Variants in OSBP2 observed in about 807,000 individuals in gnomAD.
The protein encoded by OSBP2 is oxysterol binding protein 2.
Under a neutral mutation model 96.0 loss-of-function variants are expected in OSBP2, and 66 were observed. The ratio of observed to expected loss-of-function variants is 0.69; its 90% CI spans 0.56 to 0.84. The LOEUF (loss-of-function observed/expected upper bound fraction) is 0.84, where lower values mean the gene tolerates loss of function less well. Ranked by LOEUF, OSBP2 falls within the 40% of genes least tolerant of loss-of-function variation. The pLI, the probability that OSBP2 is intolerant of heterozygous loss-of-function variation, is 0.00. For synonymous variants in OSBP2, 525 were observed against 520.9 expected (o/e 1.01, Z -0.11); for missense variants, 1,038 against 1,222.7 (o/e 0.85, Z 2.25).
At chr22:30,714,207 G>A (rs2089406795) in intron 1 of OSBP2, among the ~76,000 whole-genome samples, 1 of 152,092 alleles carries the variant, frequency 6.6e-6, no homozygotes, top group South Asian at 2.1e-4. Context: ...AATGTTCTCT[G>A]GGCTCATGCA....
chr22:30,822,315 C>A (rs1363539958), intron 2 of OSBP2, among the ~76,000 whole-genome samples: 1 of 152,226 alleles, frequency 6.6e-6, no homozygotes, highest in East Asian at 1.9e-4. Flanking sequence ...AAGTGGGGAG[C>A]CTGCATGGGC....
Position 30,724,646 on chromosome 22 carries a change from TG to T in OSBP2, c.645-16513del, listed in dbSNP as rs2089611822. On this transcript the variant is annotated intron_variant, in intron 1 of 13. Coordinates refer to ENST00000332585, the MANE Select transcript of OSBP2 (RefSeq NM_030758.4). The stretch of plus-strand genomic sequence containing the variant: ...GGACATTTTGGTTGCATGCGTATTT[TG>T]GCAGTTATGAATAAAGCTGCTATAA... Among the ~76,000 whole-genome samples, 4 of 152,376 alleles carry T rather than the reference TG, an allele frequency of 2.6e-5. No homozygotes were observed. In the South Asian group the frequency reaches 8.3e-4, roughly 32 times the overall value.
chr22:30,746,719 TGACCTCAGATGATCC>T (rs2090005821), intron 2 of OSBP2, among the ~76,000 whole-genome samples: 1 of 152,096 alleles, frequency 6.6e-6, no homozygotes, highest in Non-Finnish European at 1.5e-5. Flanking sequence ...CTTGAACTCC[TGACCTCAGATGATCC>T]GCCTGCCTTG....
chr22:30,761,936 AC>A (rs2090208523), intron 2 of OSBP2, among the ~76,000 whole-genome samples: 1 of 152,180 alleles, frequency 6.6e-6, no homozygotes, highest in South Asian at 2.1e-4. Context: ...ATAAAATTTA[AC>A]TCAAAATGTA....
intron 2 of OSBP2, among the ~76,000 whole-genome samples, chr22:30,794,836 TTA>T (rs2090733572): frequency 6.6e-6 from 1 of 152,218 alleles, no homozygotes; most frequent in Admixed American, 6.5e-5. Flanking sequence ...TATTGTTATT[TTA>T]TGTTTTATTC....
chr22:30,742,508 C>G (rs772935960), intron 2 of OSBP2, among the ~76,000 whole-genome samples: 3 of 152,176 alleles, frequency 2.0e-5, no homozygotes, highest in Non-Finnish European at 4.4e-5. Flanking sequence ...TTCCCAGTCA[C>G]TCACCCCATT....
At position 30,885,628 on chromosome 22, in the gene OSBP2, T is replaced by G. The variant is rs148517412; in HGVS notation, c.1108-1798T>G. 2.2e-3 allele frequency among the ~76,000 whole-genome samples: 329 copies of G among 152,344 alleles called. 2 individuals are homozygous for G. Among genetic ancestry groups the G allele is most frequent in the African/African-American group, 7.5e-3 (310 of 41,582 alleles). ...AATTACCTCTCTGAGCTGGGGAGGA[T>G]AGCAGAACGTGGCTTTCCTTCCTTC... On this transcript the variant is annotated intron_variant, in intron 3 of 13. Coordinates refer to ENST00000332585, the MANE Select transcript of OSBP2 (RefSeq NM_030758.4).
chr22:30,888,131 T>G, intron 4 of OSBP2, 92 bp from the exon 5 acceptor site: 3 of 823,240 alleles, frequency 3.6e-6, no homozygotes, highest in South Asian at 3.0e-5. Flanking sequence ...TGAGGCCAGA[T>G]GGGGGTTGGG....
chr22:30,834,964 C>T (rs1234100342), intron 2 of OSBP2, among the ~76,000 whole-genome samples: 2 of 151,880 alleles, frequency 1.3e-5, no homozygotes, highest in Admixed American at 1.3e-4. Flanking sequence ...TACAGGCATG[C>T]ACCACCACAC....
At chr22:30,770,805 C>T (rs1421239812) in intron 2 of OSBP2, 1 of 152,990 alleles carries the variant, frequency 6.5e-6, no homozygotes, top group East Asian at 1.9e-4. Context: ...GTAGGTGGGC[C>T]TGGCCTGCCC....
At chr22:30,823,067 G>A (rs1335016371) in intron 2 of OSBP2, among the ~76,000 whole-genome samples, 1 of 152,256 alleles carries the variant, frequency 6.6e-6, no homozygotes, top group African/African-American at 2.4e-5. Flanking sequence ...GTCGGCCTGG[G>A]GTCCGCATGC....
At chr22:30,900,294 C>T (rs902302208) in intron 12 of OSBP2, among the ~76,000 whole-genome samples, 1 of 151,634 alleles carries the variant, frequency 6.6e-6, no homozygotes, top group Non-Finnish European at 1.5e-5. Flanking sequence ...ACATCAAGGA[C>T]CTTGTAATAA....
At chr22:30,901,161 C>A in intron 12 of OSBP2, among the ~76,000 whole-genome samples, 1 of 152,294 alleles carries the variant, frequency 6.6e-6, no homozygotes, top group Middle Eastern at 3.4e-3. Context: ...CTCCGCCTCC[C>A]GGGTTCAAGC....
chr22:30,725,246 T>C (rs1403896621), intron 1 of OSBP2, among the ~76,000 whole-genome samples: 3 of 150,404 alleles, frequency 2.0e-5, no homozygotes, highest in Admixed American at 6.6e-5. Context: ...GGCTCAGGCC[T>C]GTAATCCCAG....
rs1004971269 is a variant in OSBP2, at chr22:30,778,384, C to T, written c.853+37015C>T. Reference sequence around the variant, plus strand: ...CCGTGTTCTCCTTTCCCTGGGCATTCCAGCATCAGCATGCTGGCTGCTCTT... The same window carrying T: ...CCGTGTTCTCCTTTCCCTGGGCATTTCAGCATCAGCATGCTGGCTGCTCTT... On this transcript the variant is annotated intron_variant, in intron 2 of 13. Coordinates refer to ENST00000332585, the MANE Select transcript of OSBP2 (RefSeq NM_030758.4). Among the ~76,000 whole-genome samples, 27 of 151,938 alleles carry T rather than the reference C, an allele frequency of 1.8e-4. 4 individuals carry two copies. The highest frequency in any genetic ancestry group is 1.5e-3 in the Admixed American group (23 of 15,238).
chr22:30,696,285 C>T (rs1010029602), intron 1 of OSBP2, among the ~76,000 whole-genome samples: 2 of 152,310 alleles, frequency 1.3e-5, no homozygotes, highest in East Asian at 3.9e-4. Flanking sequence ...TTCTTACTGG[C>T]TCTTCCCTGG....
intron 4 of OSBP2, 140 bp from the exon 5 acceptor site, chr22:30,888,083 G>T: frequency 1.5e-6 from 1 of 674,060 alleles, no homozygotes. Context: ...GCAGCCCAGG[G>T]AATCAGGGCT....
chr22:30,710,798 ATGGGGTTTCACCATGTTGGC>A (rs1230454790), intron 1 of OSBP2, among the ~76,000 whole-genome samples: 3 of 151,910 alleles, frequency 2.0e-5, no homozygotes, highest in African/African-American at 7.3e-5. Flanking sequence ...TTTAGTAGAG[ATGGGGTTTCACCATGTTGGC>A]CAGGCTGGTC....
At chr22:30,806,479 T>C (rs556865605) in intron 2 of OSBP2, among the ~76,000 whole-genome samples, 474 of 152,226 alleles carry the variant, frequency 3.1e-3, no homozygotes, top group Admixed American at 8.4e-3. Context: ...TCTCAGCAGC[T>C]GGGGCAGCAG....
Sources: allele counts gnomAD v4.1 joint callset (sites outside exome capture counted in the v4.1 genomes callset), GRCh38; gene constraint gnomAD v4.1.1; transcripts MANE v1.5; gene names NCBI Gene and HGNC (gene_info 2026-07-23, HGNC 2026-07-21).